Variants in DLX6 observed in about 807,000 individuals in gnomAD.
The protein encoded by DLX6 is homeobox protein DLX-6.
Under a neutral mutation model 33.5 loss-of-function variants are expected in DLX6, and 4 were observed. That is an observed-to-expected ratio of 0.12 (90% CI 0.06 to 0.27). DLX6 has a LOEUF of 0.27. Among genes scored for constraint, DLX6 ranks in the 10% least tolerant of loss-of-function variants. DLX6 has a pLI of 1.00. For missense variants in DLX6, 382 were observed against 393.3 expected (o/e 0.97, Z 0.24); for synonymous variants, 184 against 164.8 (o/e 1.12, Z -0.89).
Position 97,006,097 on chromosome 7 carries a change from G to A in DLX6, c.120G>A (p.Gln40=), listed in dbSNP as rs1156942891. The A allele has an allele frequency of 6.5e-7, 1 of 1,545,960 alleles. No homozygotes were observed. Among genetic ancestry groups the A allele is most frequent in the Non-Finnish European group, 8.7e-7 (1 of 1,143,752 alleles). Residue 40 remains glutamine, a synonymous_variant, in exon 1 of 3, where the codon CAG becomes CAA. Coordinates refer to ENST00000518156, the MANE Select transcript of DLX6 (RefSeq NM_005222.4). ...QQQQQQQQQQ[Q]QQQQPPPPPP... is the part of the protein sequence containing the mutation. Reference sequence around the variant, plus strand: ...AGCAACAGCAGCAGCAGCAGCAGCAGCAACAGCAACAGCCGCCGCCGCCGC... The same window carrying A: ...AGCAACAGCAGCAGCAGCAGCAGCAACAACAGCAACAGCCGCCGCCGCCGC...
chr7:97,006,178 G>A lies in DLX6; in HGVS notation c.201G>A (p.Ala67=), dbSNP rs1789722886. ...AGAGCTCCCCGGCCATGGCAGGCGC[G>A]CACTACCCTCTGCACTGCCTGCACT... ...SQQSSPAMAG[A]HYPLHCLHSA... Residue 67 remains alanine, a synonymous_variant, in exon 1 of 3, where the codon GCG becomes GCA. Coordinates refer to ENST00000518156, the MANE Select transcript of DLX6 (RefSeq NM_005222.4). 2.6e-6 allele frequency: 4 copies of A among 1,540,762 alleles called. No homozygotes were observed. Among genetic ancestry groups the A allele is most frequent in the East Asian group, 4.9e-5 (2 of 40,680 alleles).
At chr7:97,007,598 G>C in intron 1 of DLX6, 40 bp from the exon 2 acceptor site, 4 of 1,562,416 alleles carry the variant, frequency 2.6e-6, no homozygotes, top group Non-Finnish European at 3.5e-6. Flanking sequence ...GGCAGCAGTA[G>C]CCTCCCGGGT....
At chr7:97,006,710 C>G (rs1432586436) in intron 1 of DLX6, 1 of 161,260 alleles carries the variant, frequency 6.2e-6, no homozygotes, top group Non-Finnish European at 1.3e-5. Flanking sequence ...TCTCCAGCCT[C>G]CTGGGTCTGT....
chr7:97,006,894 C>T (rs1789748387), intron 1 of DLX6: 1 of 152,430 alleles, frequency 6.6e-6, no homozygotes, highest in Admixed American at 6.5e-5. Flanking sequence ...GGGAAGCTGG[C>T]CTGGCTTTCG....
At position 97,010,075 on chromosome 7, in the gene DLX6, C is replaced by T. The variant is rs772295690; in HGVS notation, c.*28C>T. The T allele has an allele frequency of 2.4e-5, 37 of 1,563,464 alleles. No homozygotes were observed. Among genetic ancestry groups the T allele is most frequent in the Non-Finnish European group, 3.2e-5 (37 of 1,153,082 alleles). On this transcript the variant is annotated 3_prime_UTR_variant, in exon 3 of 3. Coordinates refer to ENST00000518156, the MANE Select transcript of DLX6 (RefSeq NM_005222.4). ...TGCCCAAGGGAACACCCTAGGGAAA[C>T]GTCTGAACAAGGAAAAGAGGATCCG... is the stretch of plus-strand genomic sequence containing the variant.
chr7:97,006,718 T>G (rs1386287921), intron 1 of DLX6: 1 of 159,308 alleles, frequency 6.3e-6, no homozygotes, highest in Admixed American at 6.4e-5. Flanking sequence ...CTCCTGGGTC[T>G]GTGCGCCCTT....
rs1158366625 is a variant in DLX6, at chr7:97,010,959, A to G, written c.*912A>G. On this transcript the variant is annotated 3_prime_UTR_variant, in exon 3 of 3. Coordinates refer to ENST00000518156, the MANE Select transcript of DLX6 (RefSeq NM_005222.4). Reference sequence around the variant, plus strand: ...TTTATATCAAGAAACATTTCTGTATATATTGTTGAATTTTAGTTGTACATA... The same window carrying G: ...TTTATATCAAGAAACATTTCTGTATGTATTGTTGAATTTTAGTTGTACATA... The G allele has an allele frequency of 2.0e-5, 3 of 152,514 alleles. No individual in the cohort carries two copies. Among genetic ancestry groups the G allele is most frequent in the Admixed American group, 2.0e-4 (3 of 15,270 alleles). 9.4% of individuals were successfully genotyped at this position (152,514 alleles called of 1,614,324 possible). A position where few individuals can be genotyped will look rare whatever the true frequency, so the allele number is the denominator to read the frequency against.
intron 1 of DLX6, 47 bp downstream of exon 1, chr7:97,006,460 C>T (rs1363388330): frequency 1.6e-6 from 2 of 1,258,200 alleles, no homozygotes; most frequent in East Asian, 3.2e-5. Context: ...CCCGACTGCC[C>T]CCTACCCCGC....
chr7:97,006,103 G>GCAA lies in DLX6; in HGVS notation c.129_131dup (p.Gln44dup). On this transcript the variant is annotated inframe_insertion, in exon 1 of 3. Transcript: ENST00000518156. Reference sequence around the variant, plus strand: ...AGCAGCAGCAGCAGCAGCAGCAACAGCAACAGCCGCCGCCGCCGCCGCCGC... The same window carrying GCAA: ...AGCAGCAGCAGCAGCAGCAGCAACAGCAACAACAGCCGCCGCCGCCGCCGCCGC... The GCAA allele has an allele frequency of 6.5e-7, 1 of 1,543,814 alleles. No homozygotes were observed.
chr7:97,006,107 CA>C lies in DLX6; in HGVS notation c.131del (p.Gln44ArgfsTer76), dbSNP rs1399645259. On this transcript the variant is annotated frameshift_variant, in exon 1 of 3. Coordinates refer to ENST00000518156, the MANE Select transcript of DLX6 (RefSeq NM_005222.4). LOFTEE classifies it high-confidence loss of function. ...GCAGCAGCAGCAGCAGCAACAGCAA[CA>C]GCCGCCGCCGCCGCCGCCGCCGCCG... is the stretch of plus-strand genomic sequence containing the variant. ...QQQQQQQQQQ[Q>X]PPPPPPPPPQ... 1.3e-4 allele frequency: 200 copies of C among 1,544,464 alleles called. No individual in the cohort carries two copies. Among genetic ancestry groups the C allele is most frequent in the East Asian group, 1.2e-3 (48 of 40,730 alleles).
At chr7:97,009,674 G>C in intron 2 of DLX6, 122 bp from the exon 3 acceptor site, 1 of 1,428,816 alleles carries the variant, frequency 7.0e-7, no homozygotes. Flanking sequence ...TGTAGGCGTT[G>C]GCGGTGGTTG....
rs1216408745 is a variant in DLX6, at chr7:97,009,912, A to C, written c.747A>C (p.Pro249=). Reference sequence around the variant, plus strand: ...CGGCGGCCCTGTCGCCACGCTCGCCAGCGCTGCCTCCAGTCTGGGACGTTT... The same window carrying C: ...CGGCGGCCCTGTCGCCACGCTCGCCCGCGCTGCCTCCAGTCTGGGACGTTT... The part of the protein sequence containing the change: ...QGSAALSPRS[P]ALPPVWDVSA... The change falls in exon 3 of 3, where the codon CCA becomes CCC. Residue 249 remains proline, a synonymous_variant. Transcript: ENST00000518156. 1 of 1,613,856 alleles carries C rather than the reference A, an allele frequency of 6.2e-7. No homozygotes were observed. The highest frequency in any genetic ancestry group is 1.3e-5 in the African/African-American group (1 of 74,928).
At position 97,006,126 on chromosome 7, in the gene DLX6, CGCCGCCGCCGCA is replaced by C. The variant is rs1562791242; in HGVS notation, c.155_166del (p.Pro52_Pro55del). 6 of 1,542,556 alleles carry C rather than the reference CGCCGCCGCCGCA, an allele frequency of 3.9e-6. No homozygotes were observed. Among genetic ancestry groups the C allele is most frequent in the East Asian group, 2.5e-5 (1 of 40,684 alleles). Reference sequence around the variant, plus strand: ...CAGCAACAGCCGCCGCCGCCGCCGCCGCCGCCGCCGCAGCCGCACTCGCAGCAGAGCTCCCCG... The same window carrying C: ...CAGCAACAGCCGCCGCCGCCGCCGCCGCCGCACTCGCAGCAGAGCTCCCCG... On this transcript the variant is annotated inframe_deletion, in exon 1 of 3. Transcript: ENST00000518156.
intron 1 of DLX6, 33 bp downstream of exon 1, chr7:97,006,446 G>T (rs779340619): frequency 1.3e-5 from 17 of 1,286,080 alleles, no homozygotes; most frequent in Non-Finnish European, 1.5e-5. Flanking sequence ...CGCTTCTCCC[G>T]CCTCCCGACT....
At chr7:97,007,502 G>T (rs1424613642) in intron 1 of DLX6, 136 bp from the exon 2 acceptor site, 4 of 794,700 alleles carry the variant, frequency 5.0e-6, no homozygotes, top group Non-Finnish European at 8.6e-6. Flanking sequence ...GACCAAGAGA[G>T]GTCGGGGCAT....
At position 97,010,897 on chromosome 7, in the gene DLX6, A is replaced by G. The variant is rs893517279; in HGVS notation, c.*850A>G. 11 of 145,956 alleles carry G rather than the reference A, an allele frequency of 7.5e-5. No individual in the cohort carries two copies. Among genetic ancestry groups the G allele is most frequent in the South Asian group, 2.1e-4 (1 of 4,686 alleles). The allele number at this position is 145,956 out of a possible 1,614,324, so 9.0% of individuals were successfully genotyped here. On this transcript the variant is annotated 3_prime_UTR_variant, in exon 3 of 3. Transcript: ENST00000518156. ...ATTCTATTGCTTTGACACCTTTACT[A>G]GGTGAATTGGTGGCATTCACAAAGC...
chr7:97,009,669 G>T, intron 2 of DLX6, 127 bp from the exon 3 acceptor site: 1 of 1,375,450 alleles, frequency 7.3e-7, no homozygotes, highest in East Asian at 2.3e-5. Context: ...TGGCTTGTAG[G>T]CGTTGGCGGT....
chr7:97,006,603 C>CT, intron 1 of DLX6, 190 bp downstream of exon 1: 2 of 332,266 alleles, frequency 6.0e-6, no homozygotes, highest in Non-Finnish European at 9.1e-6. Flanking sequence ...AGCCGGGCCC[C>CT]TTCCCGCCGC....
intron 2 of DLX6, among the ~76,000 whole-genome samples, chr7:97,008,141 A>C (rs1285501239): frequency 6.6e-6 from 1 of 152,202 alleles, no homozygotes; most frequent in Non-Finnish European, 1.5e-5. Context: ...CATGAAAGAG[A>C]ACAAACATTT....
Sources: allele counts gnomAD v4.1 joint callset (sites outside exome capture counted in the v4.1 genomes callset), GRCh38; gene constraint gnomAD v4.1.1; transcripts MANE v1.5; gene names NCBI Gene and HGNC (gene_info 2026-07-23, HGNC 2026-07-21).